MDH2: variants seen among roughly 807,000 people sequenced by gnomAD.
The protein encoded by MDH2 is malate dehydrogenase 2, also known as malate dehydrogenase, mitochondrial.
MDH2 carries 25 observed loss-of-function variants against 33.6 expected under a neutral mutation model. The ratio of observed to expected loss-of-function variants is 0.74; its 90% CI spans 0.54 to 1.04. The LOEUF (loss-of-function observed/expected upper bound fraction) is 1.04, where lower values mean the gene tolerates loss of function less well. Among genes scored for constraint, MDH2 ranks in the 50% least tolerant of loss-of-function variants. The pLI is 0.00. For synonymous variants in MDH2, 193 were observed against 188.7 expected (o/e 1.02, Z -0.19); for missense variants, 432 against 445.0 (o/e 0.97, Z 0.26).
chr7:76,053,295 C>T (rs902401283), intron 1 of MDH2, among the ~76,000 whole-genome samples: 17 of 152,150 alleles, frequency 1.1e-4, no homozygotes, highest in African/African-American at 3.1e-4. Context: ...ACCCATGGAA[C>T]GCCTAACAGA....
At chr7:76,052,108 C>G (rs1267946593) in intron 1 of MDH2, among the ~76,000 whole-genome samples, 1 of 152,194 alleles carries the variant, frequency 6.6e-6, no homozygotes, top group African/African-American at 2.4e-5. Flanking sequence ...CTTATGTACA[C>G]ATGGGACCCA....
rs141164918 is a variant in MDH2 at position 76,051,960 on chromosome 7, A to G, written c.67-2870A>G. 2.0e-3 allele frequency among the ~76,000 whole-genome samples: 305 copies of G among 152,260 alleles called. 1 individual carries two copies. The highest frequency in any genetic ancestry group is 7.0e-3 in the African/African-American group (289 of 41,550). ...TTGCAAAGCATGTAAAGATTATACTACTTAAGGATTGTGGTTTTGTAAAAA... is the reference window on the plus strand; with the variant it reads ...TTGCAAAGCATGTAAAGATTATACTGCTTAAGGATTGTGGTTTTGTAAAAA... On this transcript the variant is annotated intron_variant, in intron 1 of 8. Transcript: ENST00000315758.
intron 5 of MDH2, among the ~76,000 whole-genome samples, chr7:76,061,309 A>G (rs1797941989): frequency 6.6e-6 from 1 of 152,242 alleles, no homozygotes; most frequent in South Asian, 2.1e-4. Flanking sequence ...CTCCCGAGTG[A>G]CAGGCACATC....
At position 76,048,233 on chromosome 7, in the gene MDH2, C is replaced by G. The variant is rs782657737; in HGVS notation, c.66+7C>G. 1.3e-6 allele frequency: 2 copies of G among 1,533,266 alleles called. No individual in the cohort carries two copies. The highest frequency in any genetic ancestry group is 2.7e-5 in the African/African-American group (2 of 72,854). 95.0% of individuals were successfully genotyped at this position (1,533,266 alleles called of 1,614,324 possible). A position where few individuals can be genotyped will look rare whatever the true frequency, so the allele number is the denominator to read the frequency against. ...CTTCAGCACCTCGGCCCAGGTAGGC[C>G]AGACGAGGGGCGGCCTGCAGGCGGA... On this transcript the variant is annotated splice_region_variant and intron_variant, in intron 1 of 8. Transcript: ENST00000315758.
At chr7:76,055,830 ATTT>A (rs34519552) in intron 2 of MDH2, among the ~76,000 whole-genome samples, 1 of 141,962 alleles carries the variant, frequency 7.0e-6, no homozygotes. Context: ...ATGTCACCAA[ATTT>A]TTTTTTTTTT....
chr7:76,056,429 T>G (rs1797787662), intron 2 of MDH2, among the ~76,000 whole-genome samples: 1 of 152,150 alleles, frequency 6.6e-6, no homozygotes, highest in African/African-American at 2.4e-5. Context: ...ACATGAGTCT[T>G]AAGTTGGTGT....
chr7:76,050,498 G>T (rs1216358520), intron 1 of MDH2, among the ~76,000 whole-genome samples: 1 of 152,208 alleles, frequency 6.6e-6, no homozygotes, highest in Admixed American at 6.5e-5. Context: ...ATGCCTTGAA[G>T]GTTTGAGAAA....
At chr7:76,051,267 CAGAA>C (rs1159977583) in intron 1 of MDH2, among the ~76,000 whole-genome samples, 4 of 151,420 alleles carry the variant, frequency 2.6e-5, no homozygotes, top group African/African-American at 9.7e-5. Flanking sequence ...CTGATGAAAG[CAGAA>C]AGAAAGATGG....
chr7:76,061,003 C>T (rs1797930997), intron 5 of MDH2, among the ~76,000 whole-genome samples: 1 of 152,076 alleles, frequency 6.6e-6, no homozygotes, highest in South Asian at 2.1e-4. Context: ...GGTAGCTCAC[C>T]CTGGAGAGTC....
chr7:76,056,083 C>T (rs1630434), intron 2 of MDH2, among the ~76,000 whole-genome samples: 2,121 of 152,278 alleles, frequency 0.014, 42 homozygotes, highest in African/African-American at 0.049. Flanking sequence ...CTACCTCGGC[C>T]TCCCAAAGTG....
intron 1 of MDH2, 53 bp downstream of exon 1, chr7:76,048,279 G>A (rs1036004343): frequency 4.0e-6 from 6 of 1,513,164 alleles, no homozygotes; most frequent in Non-Finnish European, 5.3e-6. Flanking sequence ...CCCGGGCCAC[G>A]TGCGTCCCCG....
At chr7:76,066,204 G>A in intron 8 of MDH2, 75 bp from the exon 9 acceptor site, 1 of 1,554,228 alleles carries the variant, frequency 6.4e-7, no homozygotes, top group Non-Finnish European at 8.7e-7. Context: ...CAGGGCTGAT[G>A]GAGCGACAGG....
chr7:76,066,475 C>CAG lies in MDH2; in HGVS notation c.*67_*68dup. 1.3e-6 allele frequency: 2 copies of CAG among 1,527,736 alleles called. No individual in the cohort carries two copies. Among genetic ancestry groups the CAG allele is most frequent in the Non-Finnish European group, 1.8e-6 (2 of 1,135,334 alleles). The allele number at this position is 1,527,736 out of a possible 1,614,324, so 94.6% of individuals were successfully genotyped here. Reference sequence around the variant, plus strand: ...GCATCATGTCACTGCAAAGCCGTTGCAGATAAACTTTGTATTTTAATTTGC... The same window carrying CAG: ...GCATCATGTCACTGCAAAGCCGTTGCAGAGATAAACTTTGTATTTTAATTTGC... On this transcript the variant is annotated 3_prime_UTR_variant, in exon 9 of 9. Coordinates refer to ENST00000315758, the MANE Select transcript of MDH2 (RefSeq NM_005918.4).
chr7:76,062,253 C>T (rs986958440), intron 5 of MDH2, among the ~76,000 whole-genome samples: 5 of 152,378 alleles, frequency 3.3e-5, no homozygotes, highest in East Asian at 3.9e-4. Context: ...GCCTTGTTCC[C>T]GTTTGCTGCA....
At position 76,066,439 on chromosome 7, in the gene MDH2, A is replaced by G. The variant is rs1241694832; in HGVS notation, c.*29A>G. 6.3e-7 allele frequency: 1 copy of G among 1,591,486 alleles called. No individual in the cohort carries two copies. Among genetic ancestry groups the G allele is most frequent in the Non-Finnish European group, 8.5e-7 (1 of 1,169,966 alleles). Reference sequence around the variant, plus strand: ...GCTGTGACGGGTGGCCAGTTTCCTTAATTTATGAAGGCATCATGTCACTGC... The same window carrying G: ...GCTGTGACGGGTGGCCAGTTTCCTTGATTTATGAAGGCATCATGTCACTGC... On this transcript the variant is annotated 3_prime_UTR_variant, in exon 9 of 9. Coordinates refer to ENST00000315758, the MANE Select transcript of MDH2 (RefSeq NM_005918.4).
In MDH2 at chr7:76,066,712, TG is replaced by T. The variant is rs1554587971; in HGVS notation, c.*303del. 35 of 220,576 alleles carry T rather than the reference TG, an allele frequency of 1.6e-4. No individual in the cohort carries two copies. The highest frequency in any genetic ancestry group is 7.3e-4 in the African/African-American group (32 of 43,814). 13.7% of individuals were successfully genotyped at this position (220,576 alleles called of 1,614,324 possible). ...GATGTTTAACTGTTAGACTGAAGCG[TG>T]ACGCTTTCATCAGTAGCTTCAAGAA... On this transcript the variant is annotated 3_prime_UTR_variant, in exon 9 of 9. Coordinates refer to ENST00000315758, the MANE Select transcript of MDH2 (RefSeq NM_005918.4).
At chr7:76,060,536 G>A (rs1797917563) in intron 5 of MDH2, 38 bp downstream of exon 5, 11 of 1,608,704 alleles carry the variant, frequency 6.8e-6, no homozygotes, top group Admixed American at 1.7e-5. Context: ...TGACCTTTCT[G>A]AACTTCTCCC....
chr7:76,056,657 A>G (rs1554586321), intron 2 of MDH2, among the ~76,000 whole-genome samples: 3 of 152,214 alleles, frequency 2.0e-5, no homozygotes, highest in African/African-American at 7.2e-5. Context: ...AGTAAACGAA[A>G]TAGTAATATT....
intron 6 of MDH2, 45 bp from the exon 7 acceptor site, chr7:76,064,294 T>A (rs1292420427): frequency 6.7e-7 from 1 of 1,498,252 alleles, no homozygotes; most frequent in Non-Finnish European, 9.1e-7. Flanking sequence ...GGGTCTGGGG[T>A]CATGGGCCGG....
Sources: allele counts gnomAD v4.1 joint callset (sites outside exome capture counted in the v4.1 genomes callset), GRCh38; gene constraint gnomAD v4.1.1; transcripts MANE v1.5; gene names NCBI Gene and HGNC (gene_info 2026-07-23, HGNC 2026-07-21).